The following ANTXRL variants were observed in gnomAD, a reference collection of about 807,000 sequenced individuals.
The protein encoded by ANTXRL is ANTXR like.
ANTXRL carries 63 observed loss-of-function variants against 75.4 expected under a neutral mutation model. The observed-to-expected ratio is 0.84, with a 90% confidence interval of 0.68 to 1.03. The LOEUF (loss-of-function observed/expected upper bound fraction) is 1.03, where lower values mean the gene tolerates loss of function less well. ANTXRL is among the 50% of genes least tolerant of loss of function. The pLI is 0.00. For synonymous variants in ANTXRL, 335 were observed against 291.3 expected (o/e 1.15, Z -1.53); for missense variants, 797 against 789.4 (o/e 1.01, Z -0.12).
At position 46,329,886 on chromosome 10, in the gene ANTXRL, A is replaced by G. The variant is rs1343786304; in HGVS notation, c.1698A>G (p.Gln566=). The change falls in exon 17 of 17, where the codon CAA becomes CAG. Residue 566 remains glutamine (Q), a synonymous_variant. Coordinates refer to ENST00000620264, the MANE Select transcript of ANTXRL (RefSeq NM_001278688.3). ...CLRHSPEYFS[Q]AQTLCNPKSC... is the part of the protein sequence containing the mutation. ...GACACAGCCCGGAGTACTTTTCCCA[A>G]GCACAGACTCTGTGCAACCCAAAGA... is the stretch of plus-strand genomic sequence containing the variant. The G allele has an allele frequency of 2.0e-6, 3 of 1,535,858 alleles. No individual in the cohort carries two copies. The highest frequency in any genetic ancestry group is 4.9e-5 in the East Asian group (2 of 40,886).
At chr10:46,291,987 G>A in intron 1 of ANTXRL, 71 bp from the exon 2 acceptor site, 5 of 1,417,684 alleles carry the variant, frequency 3.5e-6, no homozygotes, top group Non-Finnish European at 4.8e-6. Context: ...TGGGAGGCTG[G>A]GGGCGGGGCA....
chr10:46,297,533 A>G (rs1837453806), intron 7 of ANTXRL, 59 bp downstream of exon 7: 1 of 1,514,840 alleles, frequency 6.6e-7, no homozygotes. Context: ...TTTCGAGCCA[A>G]CCGTCCCGGG....
intron 16 of ANTXRL, among the ~76,000 whole-genome samples, chr10:46,322,225 A>G (rs1011180908): frequency 3.3e-5 from 5 of 152,060 alleles, no homozygotes; most frequent in Admixed American, 1.3e-4. Flanking sequence ...TAAGTGTCCA[A>G]AAGGAAGGTG....
chr10:46,293,967 G>A, intron 3 of ANTXRL, 67 bp downstream of exon 3: 2 of 1,443,476 alleles, frequency 1.4e-6, no homozygotes, highest in Non-Finnish European at 1.9e-6. Context: ...CCAGGGAGCT[G>A]AAGGGCTCCC....
Position 46,329,949 on chromosome 10 carries a change from C to G in ANTXRL, c.1761C>G (p.Thr587=). 6.5e-7 allele frequency: 1 copy of G among 1,535,844 alleles called. No individual in the cohort carries two copies. The highest frequency in any genetic ancestry group is 8.7e-7 in the Non-Finnish European group (1 of 1,146,722). The change falls in exon 17 of 17, where the codon ACC becomes ACG. Residue 587 remains threonine (T), a synonymous_variant. Coordinates refer to ENST00000620264, the MANE Select transcript of ANTXRL (RefSeq NM_001278688.3). ...CCAGCCGGGAGTGCCTCCCCCTCACCTGCTCCTCCAGGTGCCGCCTCCCCC... is the reference window on the plus strand; with the variant it reads ...CCAGCCGGGAGTGCCTCCCCCTCACGTGCTCCTCCAGGTGCCGCCTCCCCC... The part of the protein sequence containing the change: ...LQPSRECLPL[T]CSSRCRLPPA...
At chr10:46,297,648 G>A (rs1482431963) in intron 7 of ANTXRL, among the ~76,000 whole-genome samples, 174 bp downstream of exon 7, 1 of 152,150 alleles carries the variant, frequency 6.6e-6, no homozygotes, top group Non-Finnish European at 1.5e-5. Flanking sequence ...CCATGCCAAA[G>A]GGGAGGGTGG....
intron 10 of ANTXRL, among the ~76,000 whole-genome samples, chr10:46,303,438 A>G (rs1837879213): frequency 6.6e-6 from 1 of 152,148 alleles, no homozygotes; most frequent in Non-Finnish European, 1.5e-5. Context: ...GACCACAGAT[A>G]TTTTAGTTTT....
intron 3 of ANTXRL, among the ~76,000 whole-genome samples, chr10:46,294,533 A>G (rs1169586077): frequency 6.6e-6 from 1 of 152,052 alleles, no homozygotes; most frequent in African/African-American, 2.4e-5. Context: ...CATGCCCGGA[A>G]CTGGGCCCAG....
rs532773449 is a variant in ANTXRL at position 46,315,736 on chromosome 10, C to T, written c.1410+2420C>T. 1.4e-3 allele frequency among the ~76,000 whole-genome samples: 208 copies of T among 152,260 alleles called. 2 individuals carry two copies. The highest frequency in any genetic ancestry group is 4.7e-3 in the African/African-American group (195 of 41,538). The stretch of plus-strand genomic sequence containing the variant: ...CTGTCGAATTTAGAGGAGCTGCTGC[C>T]TTTTAAAACCTTGTTTAGTTTATTG... On this transcript the variant is annotated intron_variant, in intron 16 of 16. Transcript: ENST00000620264.
At position 46,293,360 on chromosome 10, in the gene ANTXRL, A is replaced by G. The variant is rs538957285; in HGVS notation, c.321-469A>G. Among the ~76,000 whole-genome samples the G allele has an allele frequency of 7.4e-3, 864 of 116,962 alleles. 13 individuals carry two copies. The highest frequency in any genetic ancestry group is 0.029 in the African/African-American group (830 of 28,762). 76.7% of individuals were successfully genotyped at this position (116,962 alleles called of 152,430 possible). A position where few individuals can be genotyped will look rare whatever the true frequency, so the allele number is the denominator to read the frequency against. On this transcript the variant is annotated intron_variant, in intron 2 of 16. Transcript: ENST00000620264. ...TGCGTGTGTGCGTGCATGTGTGTGC[A>G]TGTGAGTGTGCCTGTGTGTGAGTGT...
At chr10:46,308,042 A>C (rs575830832) in intron 12 of ANTXRL, among the ~76,000 whole-genome samples, 1 of 152,274 alleles carries the variant, frequency 6.6e-6, no homozygotes, top group East Asian at 1.9e-4. Flanking sequence ...CCTGCTCTTC[A>C]GAGCTCCATG....
intron 16 of ANTXRL, 102 bp from the exon 17 acceptor site, chr10:46,329,497 C>G (rs1444094621): frequency 2.1e-6 from 3 of 1,414,772 alleles, no homozygotes; most frequent in Non-Finnish European, 2.8e-6. Context: ...CTGTGGGTCC[C>G]GATGGGTCCT....
rs1226106549 is a variant in ANTXRL, at chr10:46,302,839, G to A, written c.895+19G>A. On this transcript the variant is annotated intron_variant, in intron 10 of 16. Coordinates refer to ENST00000620264, the MANE Select transcript of ANTXRL (RefSeq NM_001278688.3). ...ATCATTGGTAAGTTGTCTCCTCTGT[G>A]CCTCTGAGTCACGTATTTCCCACAC... The A allele has an allele frequency of 4.0e-6, 6 of 1,495,626 alleles. No homozygotes were observed. The East Asian group carries it at 1.2e-4, about 31-fold the overall frequency. The allele number at this position is 1,495,626 out of a possible 1,614,324, so 92.6% of individuals were successfully genotyped here. A position where few individuals can be genotyped will look rare whatever the true frequency, so the allele number is the denominator to read the frequency against.
At chr10:46,298,926 G>T (rs566548835) in intron 9 of ANTXRL, among the ~76,000 whole-genome samples, 1 of 151,678 alleles carries the variant, frequency 6.6e-6, no homozygotes, top group East Asian at 1.9e-4. Context: ...GTGTCTATTG[G>T]TGTGGGGGCA....
chr10:46,328,125 C>T (rs537382139), intron 16 of ANTXRL, among the ~76,000 whole-genome samples: 3 of 152,222 alleles, frequency 2.0e-5, no homozygotes, highest in Non-Finnish European at 4.4e-5. Context: ...CAGGACATGA[C>T]TGGAAATACC....
At chr10:46,319,772 G>T (rs1307426870) in intron 16 of ANTXRL, among the ~76,000 whole-genome samples, 1 of 152,006 alleles carries the variant, frequency 6.6e-6, no homozygotes, top group Non-Finnish European at 1.5e-5. Context: ...CCAACTGTCA[G>T]TTGCTCCCAT....
intron 16 of ANTXRL, among the ~76,000 whole-genome samples, chr10:46,316,823 G>T (rs1554964766): frequency 6.6e-6 from 1 of 152,198 alleles, no homozygotes; most frequent in Admixed American, 6.5e-5. Context: ...GCCAATGTCT[G>T]TGTGGAGTTT....
chr10:46,293,459 T>G (rs1296116554), intron 2 of ANTXRL, among the ~76,000 whole-genome samples: 1 of 96,202 alleles, frequency 1.0e-5, no homozygotes, highest in Non-Finnish European at 2.6e-5. Flanking sequence ...GGTGCATGTG[T>G]GAGTGTGTGT....
At chr10:46,329,547 G>A (rs879966762) in intron 16 of ANTXRL, 52 bp from the exon 17 acceptor site, 12 of 1,512,560 alleles carry the variant, frequency 7.9e-6, no homozygotes, top group Non-Finnish European at 9.7e-6. Flanking sequence ...AGCCTTCTGA[G>A]CCCAGTTCGA....
Sources: allele counts gnomAD v4.1 joint callset (sites outside exome capture counted in the v4.1 genomes callset), GRCh38; gene constraint gnomAD v4.1.1; transcripts MANE v1.5; gene names NCBI Gene and HGNC (gene_info 2026-07-23, HGNC 2026-07-21).